TWIST2: variants seen among roughly 807,000 people sequenced by gnomAD.
The protein encoded by TWIST2 is twist-related protein 2.
Under a neutral mutation model 11.6 loss-of-function variants are expected in TWIST2, and 1 was observed. The ratio of observed to expected loss-of-function variants is 0.09; its 90% CI spans 0.03 to 0.41. The LOEUF (loss-of-function observed/expected upper bound fraction) is 0.41, where lower values mean the gene tolerates loss of function less well. Among genes scored for constraint, TWIST2 ranks in the 10% least tolerant of loss-of-function variants. The pLI, the probability that TWIST2 is intolerant of heterozygous loss-of-function variation, is 0.98. For synonymous variants in TWIST2, 87 were observed against 96.6 expected (o/e 0.90, Z 0.58); for missense variants, 168 against 226.4 (o/e 0.74, Z 1.66).
rs1010482599 is a variant in TWIST2, at chr2:238,848,687, G to A, written c.472G>A (p.Ala158Thr). 7 of 1,521,050 alleles carry A rather than the reference G, an allele frequency of 4.6e-6. No individual in the cohort carries two copies. Among genetic ancestry groups the A allele is most frequent in the South Asian group, 1.2e-5 (1 of 82,798 alleles). 94.2% of individuals were successfully genotyped at this position (1,521,050 alleles called of 1,614,324 possible). A position where few individuals can be genotyped will look rare whatever the true frequency, so the allele number is the denominator to read the frequency against. The change falls in exon 1 of 2, where the codon GCC becomes ACC. Residue 158 changes from alanine to threonine, a missense_variant. This residue lies in a region of TWIST2 where 62 missense variants were observed against 75.3 expected (regional missense o/e 0.82). Transcript: ENST00000612363. ...WRMEGAWSMS[A>T]SH ...CATGGAGGGCGCGTGGTCCATGTCC[G>A]CCTCCCACTAGCGCCGCGCCACCCA... is the stretch of plus-strand genomic sequence containing the variant.
In TWIST2 at chr2:238,867,411, A is replaced by ACACACC. The variant is rs751874652; in HGVS notation, c.*35+18679_*35+18680insACACCC. ...CACACACACACACACACACACACAC[A>ACACACC]CTCCTCAGTAAAATACCCAGTTCTC... On this transcript the variant is annotated intron_variant, in intron 1 of 1. Coordinates refer to ENST00000612363, the MANE Select transcript of TWIST2 (RefSeq NM_001271893.4). The surrounding 1 kb of genome is among the most constrained non-coding windows in gnomAD (Gnocchi z 4.8). 6.9e-6 allele frequency among the ~76,000 whole-genome samples: 1 copy of ACACACC among 144,892 alleles called. No individual in the cohort carries two copies. The highest frequency in any genetic ancestry group is 1.5e-5 in the Non-Finnish European group (1 of 65,710).
At chr2:238,883,815 T>G (rs1692982950) in intron 1 of TWIST2, among the ~76,000 whole-genome samples, 1 of 152,186 alleles carries the variant, frequency 6.6e-6, no homozygotes, top group Non-Finnish European at 1.5e-5. Context: ...GTTATGTTGT[T>G]GCTGGTTTCC....
chr2:238,883,950 C>T (rs1197873486), intron 1 of TWIST2, among the ~76,000 whole-genome samples: 2 of 152,118 alleles, frequency 1.3e-5, no homozygotes, highest in East Asian at 1.9e-4. Context: ...GGTTTCCGTC[C>T]TTCCTTCTCC....
At chr2:238,884,793 G>A (rs992019162) in intron 1 of TWIST2, among the ~76,000 whole-genome samples, 4 of 152,218 alleles carry the variant, frequency 2.6e-5, no homozygotes, top group African/African-American at 7.2e-5. Context: ...GGAGCCTTCC[G>A]GAAGCATGGC....
At chr2:238,888,347 C>T (rs899124961) in intron 1 of TWIST2, among the ~76,000 whole-genome samples, 11 of 97,086 alleles carry the variant, frequency 1.1e-4, no homozygotes, top group Non-Finnish European at 1.6e-4. Flanking sequence ...ATTGCAGGGC[C>T]GTGCTTTGTT....
intron 1 of TWIST2, among the ~76,000 whole-genome samples, chr2:238,884,243 C>G (rs763028341): frequency 7.2e-5 from 11 of 152,202 alleles, no homozygotes; most frequent in Non-Finnish European, 1.2e-4. Context: ...AAGTCTGCCC[C>G]AGGGATCCCA....
At chr2:238,904,938 G>A (rs1693322627) in intron 1 of TWIST2, among the ~76,000 whole-genome samples, 1 of 151,662 alleles carries the variant, frequency 6.6e-6, no homozygotes, top group Non-Finnish European at 1.5e-5. Flanking sequence ...TCAATGAATG[G>A]ATCAATGAAG....
chr2:238,884,082 C>T (rs1488301096), intron 1 of TWIST2, among the ~76,000 whole-genome samples: 1 of 152,214 alleles, frequency 6.6e-6, no homozygotes, highest in Non-Finnish European at 1.5e-5. Context: ...AATCTGTCCT[C>T]AAAGTTCAGC....
chr2:238,881,986 C>G (rs1692944505), intron 1 of TWIST2, among the ~76,000 whole-genome samples: 1 of 152,000 alleles, frequency 6.6e-6, no homozygotes, highest in Non-Finnish European at 1.5e-5. Flanking sequence ...GTCTCTCTTC[C>G]TCTGTCTGAC....
intron 1 of TWIST2, among the ~76,000 whole-genome samples, chr2:238,858,619 G>A (rs1692371424): frequency 6.6e-6 from 1 of 152,166 alleles, no homozygotes; most frequent in Non-Finnish European, 1.5e-5. Context: ...AGTTTCCCAT[G>A]TGGTCCGAGG....
At chr2:238,857,245 A>G (rs1303349913) in intron 1 of TWIST2, among the ~76,000 whole-genome samples, 1 of 152,044 alleles carries the variant, frequency 6.6e-6, no homozygotes, top group Non-Finnish European at 1.5e-5. Flanking sequence ...CTGTCCCACC[A>G]CCCTGGCACT....
chr2:238,904,282 A>C (rs1210630359), intron 1 of TWIST2, among the ~76,000 whole-genome samples: 3 of 110,518 alleles, frequency 2.7e-5, no homozygotes, highest in Non-Finnish European at 5.4e-5. Context: ...TGTTTGATGT[A>C]GTGTGTGTGT....
intron 1 of TWIST2, among the ~76,000 whole-genome samples, chr2:238,883,101 C>G (rs181039503): frequency 2.0e-5 from 3 of 152,330 alleles, no homozygotes; most frequent in African/African-American, 7.2e-5. Flanking sequence ...GAAACCCGAG[C>G]AGGGCCTTTG....
At chr2:238,900,473 TG>T (rs1693255530) in intron 1 of TWIST2, among the ~76,000 whole-genome samples, 1 of 152,218 alleles carries the variant, frequency 6.6e-6, no homozygotes, top group Non-Finnish European at 1.5e-5. Flanking sequence ...TGTTTTGCAC[TG>T]GGGGATTAGT....
intron 1 of TWIST2, among the ~76,000 whole-genome samples, chr2:238,907,559 G>A (rs1462983261): frequency 1.3e-5 from 2 of 152,138 alleles, no homozygotes; most frequent in East Asian, 3.9e-4. Flanking sequence ...TGGCCCACAA[G>A]TGCGCTTAGA....
At chr2:238,889,485 A>G (rs62191080) in intron 1 of TWIST2, among the ~76,000 whole-genome samples, 134,632 of 152,280 alleles carry the variant, frequency 0.88, 59,703 homozygotes, top group Middle Eastern at 0.95. Flanking sequence ...TAAAGCCACT[A>G]CCAGCCTGCT....
chr2:238,890,852 C>A (rs1693118300), intron 1 of TWIST2, among the ~76,000 whole-genome samples: 1 of 152,144 alleles, frequency 6.6e-6, no homozygotes, highest in Admixed American at 6.5e-5. Context: ...CCAGGGTCTG[C>A]CCTTCCCAGA....
intron 1 of TWIST2, among the ~76,000 whole-genome samples, chr2:238,881,073 TCAG>T (rs1468589740): frequency 1.1e-5 from 1 of 91,224 alleles, no homozygotes; most frequent in African/African-American, 4.3e-5. Context: ...AGTGTTAGTG[TCAG>T]CATTAGTATT....
intron 1 of TWIST2, among the ~76,000 whole-genome samples, chr2:238,903,295 G>A (rs1333136503): frequency 2.0e-5 from 3 of 150,454 alleles, no homozygotes; most frequent in Non-Finnish European, 4.4e-5. Flanking sequence ...TGTGAGGTGT[G>A]TGATGTGGGA....
Sources: gnomAD v4.1 joint callset for allele counts (sites outside exome capture counted in the v4.1 genomes callset) on GRCh38, gnomAD v4.1.1 for gene constraint, gnomAD v4.1.1 regional missense constraint, Gnocchi (gnomAD v3.1) non-coding constraint, MANE v1.5 for transcripts, NCBI Gene and HGNC (gene_info 2026-07-23, HGNC 2026-07-21) for gene names.